PELI2: variants seen among roughly 807,000 people sequenced by gnomAD.
PELI2 encodes pellino E3 ubiquitin protein ligase family member 2, also known as E3 ubiquitin-protein ligase pellino homolog 2.
Under a neutral mutation model 42.3 loss-of-function variants are expected in PELI2, and 23 were observed. The observed-to-expected ratio is 0.54, with a 90% CI of 0.39 to 0.77. The LOEUF is 0.77. Among genes scored for constraint, PELI2 ranks in the 30% least tolerant of loss-of-function variants. The pLI is 0.00. For synonymous variants in PELI2, 245 were observed against 212.2 expected (o/e 1.15, Z -1.34); for missense variants, 463 against 553.2 (o/e 0.84, Z 1.64).
At chr14:56,126,198 C>G (rs17091045) in intron 1 of PELI2, among the ~76,000 whole-genome samples, 17 of 152,250 alleles carry the variant, frequency 1.1e-4, no homozygotes, top group African/African-American at 3.9e-4. Flanking sequence ...ACCAGCTGCT[C>G]GGAGCTGCAT....
At chr14:56,179,319 A>G (rs1017164189) in intron 2 of PELI2, among the ~76,000 whole-genome samples, 4 of 152,170 alleles carry the variant, frequency 2.6e-5, no homozygotes, top group East Asian at 3.9e-4. Context: ...CTTGATTTCC[A>G]TTTTTCCTGA....
chr14:56,168,313 G>T (rs527946714), intron 1 of PELI2, among the ~76,000 whole-genome samples: 1 of 152,176 alleles, frequency 6.6e-6, no homozygotes, highest in Non-Finnish European at 1.5e-5. Context: ...TGATGTCAGG[G>T]ACTAGAGTCA....
At position 56,174,185 on chromosome 14, in the gene PELI2, G is replaced by T. The variant is rs530809917; in HGVS notation, c.78-4150G>T. 2.9e-3 allele frequency among the ~76,000 whole-genome samples: 436 copies of T among 152,330 alleles called. 1 individual carries two copies. The highest frequency in any genetic ancestry group is 0.01 in the African/African-American group (417 of 41,582). Reference sequence around the variant, plus strand: ...CCCAAAGTGCCGGGATTACAGGCATGAGCCATCATGCCCAGCCTTGGATTT... The same window carrying T: ...CCCAAAGTGCCGGGATTACAGGCATTAGCCATCATGCCCAGCCTTGGATTT... On this transcript the variant is annotated intron_variant, in intron 1 of 5. Transcript: ENST00000267460.
rs72720008 is a variant in PELI2, at chr14:56,257,706, A to G, written c.208-21970A>G. 2.9e-3 allele frequency among the ~76,000 whole-genome samples: 444 copies of G among 152,314 alleles called. 1 individual carries two copies. The highest frequency in any genetic ancestry group is 5.1e-3 in the Non-Finnish European group (350 of 68,024). ...ACTGGTTGCAGACAACAGGCAGCTC[A>G]GGGCTGTGATCCCTGAGAGAAGGGA... On this transcript the variant is annotated intron_variant, in intron 2 of 5. Transcript: ENST00000267460.
chr14:56,125,067 G>A lies in PELI2; in HGVS notation c.77+6330G>A, dbSNP rs139801545. 4.1e-3 allele frequency among the ~76,000 whole-genome samples: 625 copies of A among 152,280 alleles called. 1 individual carries two copies. The highest frequency in any genetic ancestry group is 0.014 in the African/African-American group (600 of 41,544). ...GAGTGGAGTTGGAAGGCACAGTGGA[G>A]TTGGAAGGAGAAACTGAGGCTGCAG... On this transcript the variant is annotated intron_variant, in intron 1 of 5. Transcript: ENST00000267460.
At chr14:56,240,504 A>G (rs1003992525) in intron 2 of PELI2, among the ~76,000 whole-genome samples, 2 of 152,296 alleles carry the variant, frequency 1.3e-5, no homozygotes, top group East Asian at 1.9e-4. Context: ...GTGAATTGCC[A>G]TATTTTAGAT....
chr14:56,269,594 TAGAC>T (rs377597650), intron 2 of PELI2, among the ~76,000 whole-genome samples: 40 of 152,336 alleles, frequency 2.6e-4, no homozygotes, highest in Non-Finnish European at 3.8e-4. Context: ...ACTCAATTCT[TAGAC>T]AGCAGTGACC....
chr14:56,230,128 T>C (rs181180294), intron 2 of PELI2, among the ~76,000 whole-genome samples: 1 of 152,164 alleles, frequency 6.6e-6, no homozygotes, highest in East Asian at 1.9e-4. Flanking sequence ...TTCTGATTGG[T>C]GTACGTGAAA....
chr14:56,243,130 T>G (rs990972189), intron 2 of PELI2, among the ~76,000 whole-genome samples: 8 of 151,962 alleles, frequency 5.3e-5, no homozygotes, highest in African/African-American at 1.9e-4. Flanking sequence ...TCTAATCCAT[T>G]GATTAGAAAC....
chr14:56,268,268 A>G lies in PELI2; in HGVS notation c.208-11408A>G, dbSNP rs1247515907. ...GATGCTTTATTTTTACTTATGATTCATTTTTGTTAGGTTTACTTGTTCAAA... is the reference window on the plus strand; with the variant it reads ...GATGCTTTATTTTTACTTATGATTCGTTTTTGTTAGGTTTACTTGTTCAAA... On this transcript the variant is annotated intron_variant, in intron 2 of 5. Transcript: ENST00000267460. 1.3e-5 allele frequency among the ~76,000 whole-genome samples: 2 copies of G among 152,166 alleles called. 1 individual carries two copies. Among genetic ancestry groups the G allele is most frequent in the East Asian group, 3.8e-4 (2 of 5,196 alleles).
Position 56,181,086 on chromosome 14 carries a change from C to G in PELI2, c.207+2622C>G, listed in dbSNP as rs190979842. Among the ~76,000 whole-genome samples, 3 of 152,300 alleles carry G rather than the reference C, an allele frequency of 2.0e-5. No individual in the cohort carries two copies. In the East Asian group the frequency reaches 5.8e-4, roughly 29 times the overall value. On this transcript the variant is annotated intron_variant, in intron 2 of 5. Transcript: ENST00000267460. ...TTCAGTTTCTTTGCCACTTTTCCCA[C>G]TGATATGGTGCTCCTTACAGCCCAT...
At chr14:56,268,206 A>G (rs1888974223) in intron 2 of PELI2, among the ~76,000 whole-genome samples, 1 of 152,224 alleles carries the variant, frequency 6.6e-6, no homozygotes, top group Non-Finnish European at 1.5e-5. Context: ...GAATTATTCA[A>G]CAAGGAATTT....
intron 2 of PELI2, among the ~76,000 whole-genome samples, chr14:56,234,802 G>A (rs1334944272): frequency 6.6e-6 from 1 of 152,046 alleles, no homozygotes; most frequent in African/African-American, 2.4e-5. Context: ...GTGTATTTGC[G>A]CTAATCTGTA....
At chr14:56,237,291 T>C (rs1435314514) in intron 2 of PELI2, among the ~76,000 whole-genome samples, 1 of 152,156 alleles carries the variant, frequency 6.6e-6, no homozygotes, top group Non-Finnish European at 1.5e-5. Flanking sequence ...AGAAATCAAT[T>C]AATTATTTAT....
chr14:56,172,826 G>A (rs761807249), intron 1 of PELI2, among the ~76,000 whole-genome samples: 14 of 152,146 alleles, frequency 9.2e-5, no homozygotes, highest in Non-Finnish European at 1.6e-4. Flanking sequence ...TTTCCAAATC[G>A]TGGTTGTGCA....
intron 2 of PELI2, among the ~76,000 whole-genome samples, chr14:56,265,964 C>T (rs921923654): frequency 2.0e-5 from 3 of 152,142 alleles, no homozygotes; most frequent in Admixed American, 2.0e-4. Context: ...AGGATTGGAT[C>T]TAACCCAAAG....
intron 2 of PELI2, among the ~76,000 whole-genome samples, chr14:56,201,414 G>A (rs1450344651): frequency 2.0e-5 from 3 of 152,186 alleles, no homozygotes; most frequent in African/African-American, 7.2e-5. Flanking sequence ...ATACCCAGTA[G>A]TGACAATTAT....
At chr14:56,185,903 T>C (rs1885753990) in intron 2 of PELI2, among the ~76,000 whole-genome samples, 1 of 152,174 alleles carries the variant, frequency 6.6e-6, no homozygotes, top group African/African-American at 2.4e-5. Flanking sequence ...TATTATGTGG[T>C]TGGGAGAATA....
chr14:56,237,923 A>G (rs1253890658), intron 2 of PELI2, among the ~76,000 whole-genome samples: 1 of 151,936 alleles, frequency 6.6e-6, no homozygotes, highest in Non-Finnish European at 1.5e-5. Context: ...TTTTTCATGC[A>G]TACTGTTTTA....
Sources: gnomAD v4.1 joint callset for allele counts (sites outside exome capture counted in the v4.1 genomes callset) on GRCh38, gnomAD v4.1.1 for gene constraint, MANE v1.5 for transcripts, NCBI Gene and HGNC (gene_info 2026-07-23, HGNC 2026-07-21) for gene names.